The following PEX7 variants were observed in gnomAD, a reference collection of about 807,000 sequenced individuals.
PEX7 encodes PTS2 receptor.
PEX7 carries 34 observed loss-of-function variants against 47.5 expected under a neutral mutation model. The observed-to-expected ratio is 0.72, with a 90% CI of 0.54 to 0.95. The LOEUF (loss-of-function observed/expected upper bound fraction) is 0.95, where lower values mean the gene tolerates loss of function less well. Among genes scored for constraint, PEX7 ranks in the 40% least tolerant of loss-of-function variants. PEX7 has a pLI of 0.00. For synonymous variants in PEX7, 141 were observed against 148.8 expected (o/e 0.95, Z 0.38); for missense variants, 394 against 400.3 (o/e 0.98, Z 0.13).
intron 3 of PEX7, among the ~76,000 whole-genome samples, chr6:136,842,017 G>A (rs930750074): frequency 2.5e-5 from 2 of 79,778 alleles, no homozygotes; most frequent in African/African-American, 1.0e-4. Context: ...TTTTTTTTTT[G>A]AGACAGGTTC....
At position 136,845,735 on chromosome 6, in the gene PEX7, C is replaced by G. The variant is rs377509685; in HGVS notation, c.417+43C>G. The stretch of plus-strand genomic sequence containing the variant: ...TATTCAAAAACGAATATTCCCTTCT[C>G]TAGAGCTTCCACTAAATTTTCTTCT... On this transcript the variant is annotated intron_variant, in intron 4 of 9. Transcript: ENST00000318471. 3.5e-6 allele frequency: 4 copies of G among 1,151,226 alleles called. No homozygotes were observed. The African/African-American group carries it at 6.0e-5, about 17-fold the overall frequency. 71.3% of individuals were successfully genotyped at this position (1,151,226 alleles called of 1,614,324 possible).
intron 5 of PEX7, among the ~76,000 whole-genome samples, chr6:136,847,596 T>C (rs1376586525): frequency 2.6e-5 from 4 of 151,904 alleles, no homozygotes; most frequent in Non-Finnish European, 5.9e-5. Context: ...ATTTATTAAA[T>C]AGGGAATCCT....
In PEX7 at chr6:136,826,385, C is replaced by G. The variant is rs771826680; in HGVS notation, c.255C>G (p.Thr85=). 3 of 1,613,872 alleles carry G rather than the reference C, an allele frequency of 1.9e-6. No homozygotes were observed. Among genetic ancestry groups the G allele is most frequent in the South Asian group, 2.2e-5 (2 of 91,062 alleles). Residue 85 remains threonine (T), a synonymous_variant, in exon 3 of 10, where the codon ACC becomes ACG. Coordinates refer to ENST00000318471, the MANE Select transcript of PEX7 (RefSeq NM_000288.4). ...WSENNEHVLI[T]CSGDGSLQLW... is the part of the protein sequence containing the mutation. ...AGAACAACGAACATGTCCTCATCAC[C>G]TGTAGTGGCGATGGCTCGCTGCAGC...
At chr6:136,882,531 A>G (rs906162717) in intron 8 of PEX7, among the ~76,000 whole-genome samples, 44 of 146,850 alleles carry the variant, frequency 3.0e-4, no homozygotes, top group African/African-American at 1.1e-3. Flanking sequence ...CACATTCAGC[A>G]AAAGATCTTA....
intron 9 of PEX7, among the ~76,000 whole-genome samples, chr6:136,908,450 T>TCTTTATCAGCAGCGTGAA (rs1775879164): frequency 1.3e-5 from 2 of 152,210 alleles, no homozygotes; most frequent in Non-Finnish European, 2.9e-5. Flanking sequence ...TTTTTTTCTG[T>TCTTTATCAGCAGCGTGAA]AATGTCAGTA....
At chr6:136,835,395 TCTC>T (rs1182540482) in intron 3 of PEX7, among the ~76,000 whole-genome samples, 1 of 152,042 alleles carries the variant, frequency 6.6e-6, no homozygotes, top group Non-Finnish European at 1.5e-5. Flanking sequence ...TTCAAGCAAT[TCTC>T]CTGCCTCAGC....
At chr6:136,840,658 T>A in intron 3 of PEX7, among the ~76,000 whole-genome samples, 1 of 152,236 alleles carries the variant, frequency 6.6e-6, no homozygotes, top group East Asian at 1.9e-4. Context: ...AAGGATGTTA[T>A]AATCTAAGTG....
At chr6:136,881,630 C>T (rs181944603) in intron 8 of PEX7, among the ~76,000 whole-genome samples, 5 of 152,178 alleles carry the variant, frequency 3.3e-5, no homozygotes, top group African/African-American at 9.6e-5. Flanking sequence ...CTGACCACTC[C>T]CTGTTTTATG....
chr6:136,867,820 G>A (rs911029946), intron 6 of PEX7, among the ~76,000 whole-genome samples: 1 of 151,956 alleles, frequency 6.6e-6, no homozygotes, highest in African/African-American at 2.4e-5. Context: ...AAAAAAATTA[G>A]AAAGTTTATG....
At chr6:136,841,316 T>G (rs1045219510) in intron 3 of PEX7, among the ~76,000 whole-genome samples, 26 of 152,194 alleles carry the variant, frequency 1.7e-4, no homozygotes, top group African/African-American at 6.0e-4. Flanking sequence ...CCTCCAGTCT[T>G]TCACTTTTGT....
Position 136,899,593 on chromosome 6 carries a change from TG to T in PEX7, c.903+1354del. On this transcript the variant is annotated intron_variant, in intron 9 of 9. Transcript: ENST00000318471. ...TGGGGTTTCACCATGTTAGCCAGGC[TG>T]GTCTCGAACTCCTGACCTCAAGTGA... 2.0e-5 allele frequency among the ~76,000 whole-genome samples: 3 copies of T among 152,184 alleles called. No individual in the cohort carries two copies. The Middle Eastern group carries it at 0.01, about 521-fold the overall frequency.
chr6:136,890,644 A>G (rs1775538485), intron 8 of PEX7, among the ~76,000 whole-genome samples: 1 of 152,178 alleles, frequency 6.6e-6, no homozygotes, highest in Non-Finnish European at 1.5e-5. Flanking sequence ...TAAGCAGTGC[A>G]GACATTCCAC....
intron 5 of PEX7, among the ~76,000 whole-genome samples, chr6:136,854,677 T>G (rs78001395): frequency 6.6e-6 from 1 of 152,156 alleles, no homozygotes; most frequent in Admixed American, 6.5e-5. Context: ...TGAATTAGAT[T>G]GACATTAGCA....
At chr6:136,839,273 C>G (rs565096531) in intron 3 of PEX7, among the ~76,000 whole-genome samples, 1 of 152,192 alleles carries the variant, frequency 6.6e-6, no homozygotes, top group East Asian at 1.9e-4. Context: ...AGTCAGTGAC[C>G]CTTTCCTTTG....
At position 136,872,193 on chromosome 6, in the gene PEX7, T is replaced by C; in HGVS notation, c.748-5T>C. ...AGGGTTTTTTTTTTCTTTTTTTTTT[T>C]GTAGTTTTCACCATTTCATGCTTCT... On this transcript the variant is annotated splice_polypyrimidine_tract_variant and splice_region_variant and intron_variant, in intron 7 of 9. Transcript: ENST00000318471. 6.2e-7 allele frequency: 1 copy of C among 1,607,346 alleles called. No homozygotes were observed. Among genetic ancestry groups the C allele is most frequent in the Middle Eastern group, 1.7e-4 (1 of 6,030 alleles).
At chr6:136,862,192 G>C (rs1774979284) in intron 5 of PEX7, among the ~76,000 whole-genome samples, 1 of 150,916 alleles carries the variant, frequency 6.6e-6, no homozygotes. Flanking sequence ...CCAGCGTCTT[G>C]AGTAGCTGGG....
intron 6 of PEX7, among the ~76,000 whole-genome samples, chr6:136,868,819 G>C (rs1232766956): frequency 6.6e-6 from 1 of 151,982 alleles, no homozygotes; most frequent in East Asian, 1.9e-4. Flanking sequence ...GTCCTATTCA[G>C]CCAGGACCTC....
intron 3 of PEX7, among the ~76,000 whole-genome samples, chr6:136,829,563 A>G (rs1052786417): frequency 3.3e-5 from 5 of 152,340 alleles, no homozygotes; most frequent in East Asian, 3.9e-4. Flanking sequence ...TCCATTGCAT[A>G]TGCCAGATAC....
At chr6:136,845,183 A>G (rs1774573138) in intron 3 of PEX7, among the ~76,000 whole-genome samples, 1 of 152,228 alleles carries the variant, frequency 6.6e-6, no homozygotes, top group South Asian at 2.1e-4. Flanking sequence ...TGGTTCCTGC[A>G]AGCTTTTTCT....
Sources: allele counts gnomAD v4.1 joint callset (sites outside exome capture counted in the v4.1 genomes callset), GRCh38; gene constraint gnomAD v4.1.1; transcripts MANE v1.5; gene names NCBI Gene and HGNC (gene_info 2026-07-23, HGNC 2026-07-21).